EXOC6B: variants seen among roughly 807,000 people sequenced by gnomAD.
The protein encoded by EXOC6B is SEC15 homolog B.
A neutral mutation model predicts 113.5 loss-of-function variants in EXOC6B; 54 were observed. The ratio of observed to expected loss-of-function variants is 0.48; its 90% CI spans 0.38 to 0.60. The LOEUF (loss-of-function observed/expected upper bound fraction) is 0.60, where lower values mean the gene tolerates loss of function less well. Among genes scored for constraint, EXOC6B ranks in the 20% least tolerant of loss-of-function variants. The pLI is 0.00. For missense variants in EXOC6B, 797 were observed against 977.5 expected, an observed-to-expected ratio of 0.82 and a Z score of 2.46; for synonymous variants, 357 against 339.0, an observed-to-expected ratio of 1.05 and a Z score of -0.58.
chr2:72,321,287 A>C (rs1292934292), intron 20 of EXOC6B, among the ~76,000 whole-genome samples: 1 of 152,076 alleles, frequency 6.6e-6, no homozygotes, highest in Non-Finnish European at 1.5e-5. Context: ...ATTCACGATA[A>C]ACTTTGGGAG....
intron 8 of EXOC6B, among the ~76,000 whole-genome samples, chr2:72,531,151 T>G (rs1334556060): frequency 6.6e-6 from 1 of 152,210 alleles, no homozygotes; most frequent in East Asian, 1.9e-4. Context: ...GCTTCCTTTT[T>G]CTTGCCTTCC....
chr2:72,597,918 C>G (rs982629859), intron 6 of EXOC6B, among the ~76,000 whole-genome samples: 1 of 151,878 alleles, frequency 6.6e-6, no homozygotes, highest in African/African-American at 2.4e-5. Context: ...ATGCACCTAA[C>G]AACAGAGCAC....
chr2:72,784,938 C>T (rs1278509253), intron 1 of EXOC6B, among the ~76,000 whole-genome samples: 1 of 152,184 alleles, frequency 6.6e-6, no homozygotes, highest in African/African-American at 2.4e-5. Context: ...AACACCCTCC[C>T]ACCTATGAGC....
intron 1 of EXOC6B, among the ~76,000 whole-genome samples, chr2:72,756,016 T>C (rs766898657): frequency 5.3e-5 from 8 of 152,198 alleles, no homozygotes; most frequent in Non-Finnish European, 1.2e-4. Flanking sequence ...ATGCTCCAAA[T>C]TACAAAGTTA....
chr2:72,623,562 A>G (rs752448546), intron 6 of EXOC6B, among the ~76,000 whole-genome samples: 1 of 152,178 alleles, frequency 6.6e-6, no homozygotes, highest in Non-Finnish European at 1.5e-5. Flanking sequence ...GAAAACTGCC[A>G]AAGTAATCTA....
Position 72,480,629 on chromosome 2 carries a change from G to A in EXOC6B, c.1787C>T (p.Thr596Ile), listed in dbSNP as rs554695908. 3.8e-6 allele frequency: 6 copies of A among 1,583,292 alleles called. No individual in the cohort carries two copies. The South Asian group carries it at 5.8e-5, about 15-fold the overall frequency. ...ETVHTTKLYG[T>I]TTFKDARHAA... ...GGGCCCTCTCACCTTAAAAGTTGTG[G>A]TGCCATAGAGCTTGGTAGTGTGAAC... Residue 596 changes from threonine (T) to isoleucine (I), a missense_variant, in exon 17 of 22, where the codon ACC becomes ATC. Coordinates refer to ENST00000272427, the MANE Select transcript of EXOC6B (RefSeq NM_015189.3).
At chr2:72,296,488 C>T (rs1422803407) in intron 20 of EXOC6B, among the ~76,000 whole-genome samples, 1 of 152,110 alleles carries the variant, frequency 6.6e-6, no homozygotes, top group Non-Finnish European at 1.5e-5. Flanking sequence ...ATATGTATAG[C>T]ATACATTTAG....
chr2:72,795,818 T>G (rs1684911857), intron 1 of EXOC6B, among the ~76,000 whole-genome samples: 1 of 152,014 alleles, frequency 6.6e-6, no homozygotes, highest in Non-Finnish European at 1.5e-5. Flanking sequence ...TCACAAGTGT[T>G]TTTTGTTTGT....
rs147339919 is a variant in EXOC6B at position 72,539,773 on chromosome 2, G to A, written c.915+19680C>T. ...GTGCGCGCGCGCGCGCGTGTGTGTAGTCTGCATATATGACTAAATATAATT... is the reference window on the plus strand; with the variant it reads ...GTGCGCGCGCGCGCGCGTGTGTGTAATCTGCATATATGACTAAATATAATT... On this transcript the variant is annotated intron_variant, in intron 8 of 21. Coordinates refer to ENST00000272427, the MANE Select transcript of EXOC6B (RefSeq NM_015189.3). Among the ~76,000 whole-genome samples the A allele has an allele frequency of 5.5e-3, 841 of 151,704 alleles. 7 individuals are homozygous for A. Among genetic ancestry groups the A allele is most frequent in the African/African-American group, 0.02 (813 of 41,330 alleles).
At chr2:72,198,828 A>G (rs1332244821) in intron 20 of EXOC6B, among the ~76,000 whole-genome samples, 1 of 152,220 alleles carries the variant, frequency 6.6e-6, no homozygotes, top group Non-Finnish European at 1.5e-5. Flanking sequence ...TCAACAGGAA[A>G]CAACACTGAA....
intron 10 of EXOC6B, among the ~76,000 whole-genome samples, chr2:72,513,989 T>C (rs1169569416): frequency 1.5e-4 from 23 of 152,176 alleles, no homozygotes. Context: ...TTCTTTTAAC[T>C]GCAAAGTCAT....
chr2:72,752,942 C>A (rs1395863168), intron 1 of EXOC6B, among the ~76,000 whole-genome samples: 2 of 152,038 alleles, frequency 1.3e-5, no homozygotes, highest in African/African-American at 2.4e-5. Flanking sequence ...CCCCTGAATA[C>A]CTCCTTGACC....
intron 8 of EXOC6B, among the ~76,000 whole-genome samples, chr2:72,521,857 C>T (rs768753965): frequency 8.5e-5 from 13 of 152,154 alleles, no homozygotes; most frequent in African/African-American, 1.2e-4. Flanking sequence ...CCACCACGCC[C>T]GGCTAATTTT....
rs189784169 is a variant in EXOC6B, at chr2:72,190,984, T to C, written c.2197-6797A>G. On this transcript the variant is annotated intron_variant, in intron 20 of 21. Transcript: ENST00000272427. ...ATCAAAAGCAAACTCAACCCATCAT[T>C]AATGATGCTTTGATTTCAAACACAG... 2.3e-4 allele frequency among the ~76,000 whole-genome samples: 35 copies of C among 152,330 alleles called. 1 individual carries two copies. In the East Asian group the frequency reaches 6.0e-3, roughly 26 times the overall value.
chr2:72,274,787 A>G (rs534375722), intron 20 of EXOC6B, among the ~76,000 whole-genome samples: 3 of 152,188 alleles, frequency 2.0e-5, no homozygotes, highest in Admixed American at 2.0e-4. Flanking sequence ...AGAAGCATTC[A>G]TTCCAGCCAG....
Position 72,244,125 on chromosome 2 carries a change from T to G in EXOC6B, c.2197-59938A>C, listed in dbSNP as rs539299529. 5.8e-4 allele frequency among the ~76,000 whole-genome samples: 88 copies of G among 152,288 alleles called. 1 individual carries two copies. In the South Asian group the frequency reaches 0.018, roughly 31 times the overall value. On this transcript the variant is annotated intron_variant, in intron 20 of 21. Transcript: ENST00000272427. ...TTCTTCTCAAAGTCATACAGAATAT[T>G]CACTAAGACTGACCACGTTCTGGGC... is the stretch of plus-strand genomic sequence containing the variant.
At chr2:72,660,593 T>A (rs1674938111) in intron 6 of EXOC6B, among the ~76,000 whole-genome samples, 1 of 152,230 alleles carries the variant, frequency 6.6e-6, no homozygotes, top group African/African-American at 2.4e-5. Flanking sequence ...TTATTTGGTC[T>A]ACACACAAGA....
rs138995473 is a variant in EXOC6B at position 72,304,817 on chromosome 2, A to G, written c.2196+30130T>C. Among the ~76,000 whole-genome samples the G allele has an allele frequency of 3.6e-3, 543 of 152,308 alleles. 1 individual carries two copies. The highest frequency in any genetic ancestry group is 5.3e-3 in the Non-Finnish European group (358 of 68,028). On this transcript the variant is annotated intron_variant, in intron 20 of 21. Transcript: ENST00000272427. ...CTATTTAGGAACCTGACAGCTTTGA[A>G]GCTGCAAGGGCCCCTAGACAATAAG...
At chr2:72,673,077 G>T (rs1397835179) in intron 6 of EXOC6B, among the ~76,000 whole-genome samples, 1 of 151,748 alleles carries the variant, frequency 6.6e-6, no homozygotes, top group Admixed American at 6.6e-5. Flanking sequence ...CAATAAAAAA[G>T]AAAATATTCA....
Sources: gnomAD v4.1 joint callset for allele counts (sites outside exome capture counted in the v4.1 genomes callset) on GRCh38, gnomAD v4.1.1 for gene constraint, MANE v1.5 for transcripts, NCBI Gene and HGNC (gene_info 2026-07-23, HGNC 2026-07-21) for gene names.